AGMO: variants seen among roughly 807,000 people sequenced by gnomAD.
AGMO encodes alkylglycerol monooxygenase, also known as glyceryl-ether monooxygenase.
Under a neutral mutation model 60.2 loss-of-function variants are expected in AGMO, and 75 were observed. The ratio of observed to expected loss-of-function variants is 1.25; its 90% CI spans 1.03 to 1.51. AGMO has a LOEUF of 1.51. Ranked by LOEUF, AGMO falls within the 40% of genes most tolerant of loss-of-function variation. The pLI, the probability that AGMO is intolerant of heterozygous loss-of-function variation, is 0.00. For synonymous variants in AGMO, 261 were observed against 177.1 expected, an observed-to-expected ratio of 1.47 and a Z score of -3.76; for missense variants, 763 against 525.5, an observed-to-expected ratio of 1.45 and a Z score of -4.42.
chr7:15,361,445 T>C (rs1235621666), intron 12 of AGMO, among the ~76,000 whole-genome samples: 1 of 144,744 alleles, frequency 6.9e-6, no homozygotes, highest in African/African-American at 2.6e-5. Context: ...GAAGCTGAGG[T>C]GGGAGAATGG....
intron 9 of AGMO, among the ~76,000 whole-genome samples, chr7:15,387,135 G>A (rs536902912): frequency 1.3e-5 from 2 of 152,150 alleles, no homozygotes; most frequent in South Asian, 2.1e-4. Flanking sequence ...AAAGGCAAGC[G>A]TTCAAGTCGA....
intron 2 of AGMO, among the ~76,000 whole-genome samples, 166 bp downstream of exon 2, chr7:15,559,975 A>T (rs1205341484): frequency 6.6e-6 from 1 of 152,180 alleles, no homozygotes; most frequent in Non-Finnish European, 1.5e-5. Context: ...TAAGTGCAAA[A>T]AATCAATGAA....
intron 8 of AGMO, among the ~76,000 whole-genome samples, chr7:15,388,640 G>A (rs1251730960): frequency 6.6e-6 from 1 of 152,084 alleles, no homozygotes; most frequent in Non-Finnish European, 1.5e-5. Flanking sequence ...AGGAGGGCAA[G>A]GTCAATGATT....
At chr7:15,483,824 G>T (rs1347147003) in intron 3 of AGMO, among the ~76,000 whole-genome samples, 1 of 152,014 alleles carries the variant, frequency 6.6e-6, no homozygotes, top group African/African-American at 2.4e-5. Context: ...GAGGGACTGT[G>T]CAAGATGATT....
intron 3 of AGMO, among the ~76,000 whole-genome samples, chr7:15,523,761 C>T (rs190626128): frequency 6.6e-6 from 1 of 152,030 alleles, no homozygotes; most frequent in Non-Finnish European, 1.5e-5. Context: ...GTGCAGCAAA[C>T]CACCATGGCA....
At chr7:15,211,943 A>C (rs1426826215) in intron 12 of AGMO, among the ~76,000 whole-genome samples, 1 of 152,012 alleles carries the variant, frequency 6.6e-6, no homozygotes, top group Non-Finnish European at 1.5e-5. Flanking sequence ...TAATGCCATG[A>C]TACATTTTTG....
At position 15,232,588 on chromosome 7, in the gene AGMO, G is replaced by C. The variant is rs547647169; in HGVS notation, c.1264-31229C>G. Among the ~76,000 whole-genome samples, 4 of 152,202 alleles carry C rather than the reference G, an allele frequency of 2.6e-5. 1 individual carries two copies. The South Asian group carries it at 6.2e-4, about 24-fold the overall frequency. ...GTCAAAGTACATTATGAAGAAAAGAGTTCTGCCTTTATAAATTGGAATGTC... is the reference window on the plus strand; with the variant it reads ...GTCAAAGTACATTATGAAGAAAAGACTTCTGCCTTTATAAATTGGAATGTC... On this transcript the variant is annotated intron_variant, in intron 12 of 12. Coordinates refer to ENST00000342526, the MANE Select transcript of AGMO (RefSeq NM_001004320.2).
At chr7:15,553,928 C>G (rs558094692) in intron 2 of AGMO, among the ~76,000 whole-genome samples, 8 of 152,232 alleles carry the variant, frequency 5.3e-5, no homozygotes, top group Non-Finnish European at 1.0e-4. Context: ...TGAAGCCTAA[C>G]TTCCCTCAAG....
chr7:15,547,299 G>T (rs969961299), intron 2 of AGMO, among the ~76,000 whole-genome samples: 1 of 152,118 alleles, frequency 6.6e-6, no homozygotes, highest in Non-Finnish European at 1.5e-5. Flanking sequence ...CTGGAAGAAA[G>T]ATTAAAACAG....
At chr7:15,386,457 T>G (rs1037596040) in intron 9 of AGMO, among the ~76,000 whole-genome samples, 4 of 152,166 alleles carry the variant, frequency 2.6e-5, no homozygotes, top group Non-Finnish European at 4.4e-5. Context: ...AAATCGATCA[T>G]AGCAAACAGC....
intron 12 of AGMO, among the ~76,000 whole-genome samples, chr7:15,319,378 A>G (rs925578023): frequency 6.6e-6 from 1 of 152,156 alleles, no homozygotes; most frequent in Non-Finnish European, 1.5e-5. Flanking sequence ...AAATCAGTCT[A>G]AAGTCTTTCA....
At chr7:15,151,338 G>A in the AGMO span, among the ~76,000 whole-genome samples, 10 of 151,836 alleles carry the variant, frequency 6.6e-5, no homozygotes, top group Non-Finnish European at 7.4e-5. Flanking sequence ...TTCATCGCTC[G>A]TTTTGGTTTT....
At chr7:15,146,478 C>T in the AGMO span, among the ~76,000 whole-genome samples, 8 of 149,812 alleles carry the variant, frequency 5.3e-5, no homozygotes, top group African/African-American at 2.4e-5. Flanking sequence ...CTACAGAATA[C>T]GAAGTGATTT....
At chr7:15,552,476 A>C (rs1200657828) in intron 2 of AGMO, among the ~76,000 whole-genome samples, 3 of 151,000 alleles carry the variant, frequency 2.0e-5, no homozygotes, top group African/African-American at 7.3e-5. Flanking sequence ...ATTTACAAGA[A>C]AAAAACAAAC....
the AGMO span, among the ~76,000 whole-genome samples, chr7:15,160,506 C>CT: frequency 3.3e-5 from 5 of 151,484 alleles, no homozygotes; most frequent in African/African-American, 7.3e-5. Context: ...ATTTGTCCAT[C>CT]TTTTTTTTTC....
the AGMO span, among the ~76,000 whole-genome samples, chr7:15,153,836 C>T: frequency 6.6e-6 from 1 of 152,050 alleles, no homozygotes; most frequent in South Asian, 2.1e-4. Flanking sequence ...TTTTTGGTTC[C>T]ATATGAATGC....
At chr7:15,542,928 T>C (rs1158201753) in intron 3 of AGMO, among the ~76,000 whole-genome samples, 1 of 152,202 alleles carries the variant, frequency 6.6e-6, no homozygotes, top group Non-Finnish European at 1.5e-5. Flanking sequence ...TAAGTGCACA[T>C]GTTTAAGGTG....
chr7:15,413,413 A>G (rs1780670902), intron 5 of AGMO, among the ~76,000 whole-genome samples: 1 of 152,158 alleles, frequency 6.6e-6, no homozygotes, highest in African/African-American at 2.4e-5. Flanking sequence ...GACAGAAACA[A>G]TGTTTAAGAA....
intron 12 of AGMO, among the ~76,000 whole-genome samples, chr7:15,210,069 GA>G (rs894109376): frequency 1.3e-5 from 2 of 151,970 alleles, no homozygotes; most frequent in African/African-American, 4.8e-5. Context: ...CAAAGATTGT[GA>G]AAAAAACCTA....
Sources: allele counts gnomAD v4.1 joint callset (sites outside exome capture counted in the v4.1 genomes callset), GRCh38; gene constraint gnomAD v4.1.1; transcripts MANE v1.5; gene names NCBI Gene and HGNC (gene_info 2026-07-23, HGNC 2026-07-21).